TPSD1: variants seen among roughly 807,000 people sequenced by gnomAD.
TPSD1 encodes the protein tryptase delta.
TPSD1 carries 30 observed loss-of-function variants against 25.4 expected under a neutral mutation model. The observed-to-expected ratio is 1.18, with a 90% CI of 0.88 to 1.60. The LOEUF (loss-of-function observed/expected upper bound fraction) is 1.60, where lower values mean the gene tolerates loss of function less well. TPSD1 is among the 40% of genes most tolerant of loss of function. The probability of loss-of-function intolerance (pLI) is 0.00; values close to 1 mark genes in which losing one functional copy is unlikely to be tolerated. For synonymous variants in TPSD1, 176 were observed against 149.4 expected, an observed-to-expected ratio of 1.18 and a Z score of -1.30; for missense variants, 420 against 324.2, an observed-to-expected ratio of 1.30 and a Z score of -2.27.
Position 1,258,547 on chromosome 16 carries a change from C to T in TPSD1, c.*171C>T. On this transcript the variant is annotated 3_prime_UTR_variant, in exon 5 of 5. Transcript: ENST00000211076. ...TCACTGGAGGGCCAGCCCCTCCTGT[C>T]CAAACCACCACTGCTTCCTACCCAG... 1.0e-5 allele frequency: 16 copies of T among 1,584,662 alleles called. No individual in the cohort carries two copies. Among genetic ancestry groups the T allele is most frequent in the Non-Finnish European group, 1.4e-5 (16 of 1,163,280 alleles).
chr16:1,258,184 A>G lies in TPSD1; in HGVS notation c.646A>G (p.Met216Val), dbSNP rs2031017593. 1.2e-6 allele frequency: 2 copies of G among 1,613,130 alleles called. No individual in the cohort carries two copies. The highest frequency in any genetic ancestry group is 1.7e-6 in the Non-Finnish European group (2 of 1,179,892). The change falls in exon 4 of 5, where the codon ATG becomes GTG. Residue 216 changes from methionine to valine, a missense_variant. Transcript: ENST00000211076. ...CAGCTTTCAAATCGTCCGCGATGAC[A>G]TGCTGTGTGCGGGGAGCGAAAATCA... ...GHSFQIVRDD[M>V]LCAGSENHDS...
rs762576323 is a variant in TPSD1, at chr16:1,256,692, G to C, written c.254+5G>C. On this transcript the variant is annotated splice_donor_5th_base_variant and intron_variant, in intron 2 of 4. Coordinates refer to ENST00000211076, the MANE Select transcript of TPSD1 (RefSeq NM_012217.3). ...CGCGGCGCACTGCGTGGAACCGTGA[G>C]TCTCCTGGGGCCTGGAGGGGTGGGC... 2 of 1,611,242 alleles carry C rather than the reference G, an allele frequency of 1.2e-6. No individual in the cohort carries two copies. Among genetic ancestry groups the C allele is most frequent in the South Asian group, 2.2e-5 (2 of 90,936 alleles).
intron 3 of TPSD1, chr16:1,257,795 AC>A (rs777876890): frequency 5.4e-6 from 3 of 560,560 alleles, no homozygotes; most frequent in African/African-American, 1.9e-5. Context: ...CGGGCTCTGC[AC>A]CCCCGTGCCA....
In TPSD1 at chr16:1,256,346, G is replaced by T. The variant is rs2005937; in HGVS notation, c.66G>T (p.Pro22=). The T allele has an allele frequency of 4.5e-6, 7 of 1,545,306 alleles. No individual in the cohort carries two copies. Among genetic ancestry groups the T allele is most frequent in the East Asian group, 4.5e-5 (2 of 44,754 alleles). ...LLLALPVLAS[P]AYVAPAPGQA... Reference sequence around the variant, plus strand: ...TGGCGCTGCCCGTCCTGGCGAGCCCGGCCTACGTGGCCCCTGGTGAGTCCC... The same window carrying T: ...TGGCGCTGCCCGTCCTGGCGAGCCCTGCCTACGTGGCCCCTGGTGAGTCCC... The change falls in exon 1 of 5, where the codon CCG becomes CCT. Residue 22 remains proline (P), a synonymous_variant. Coordinates refer to ENST00000211076, the MANE Select transcript of TPSD1 (RefSeq NM_012217.3).
chr16:1,256,696 C>T lies in TPSD1; in HGVS notation c.254+9C>T, dbSNP rs1225987045. 1 of 1,611,408 alleles carries T rather than the reference C, an allele frequency of 6.2e-7. No homozygotes were observed. The highest frequency in any genetic ancestry group is 1.7e-5 in the Admixed American group (1 of 59,894). On this transcript the variant is annotated intron_variant, in intron 2 of 4. Transcript: ENST00000211076. The stretch of plus-strand genomic sequence containing the variant: ...GCGCACTGCGTGGAACCGTGAGTCT[C>T]CTGGGGCCTGGAGGGGTGGGCAAGG...
At chr16:1,257,363 A>T in intron 3 of TPSD1, 1 of 487,876 alleles carries the variant, frequency 2.0e-6, no homozygotes, top group Non-Finnish European at 3.7e-6. Context: ...TGCTATGTGG[A>T]GAGAGAAATC....
intron 3 of TPSD1, chr16:1,257,458 G>A (rs986217917): frequency 7.7e-5 from 22 of 287,148 alleles, no homozygotes; most frequent in East Asian, 3.4e-4. Flanking sequence ...GACAAGGCAG[G>A]GGCCTGGGAA....
At chr16:1,256,739 G>T (rs1435561851) in intron 2 of TPSD1, 52 bp downstream of exon 2, 2 of 1,611,600 alleles carry the variant, frequency 1.2e-6, no homozygotes, top group African/African-American at 2.7e-5. Flanking sequence ...GTGAGCCCTG[G>T]CTCCCGGGTG....
At chr16:1,257,124 G>A in intron 3 of TPSD1, 62 bp downstream of exon 3, 4 of 1,517,872 alleles carry the variant, frequency 2.6e-6, no homozygotes, top group Non-Finnish European at 3.5e-6. Flanking sequence ...CCACAGGCCA[G>A]TCCGTGGGGT....
Position 1,257,343 on chromosome 16 carries a change from G to A in TPSD1, c.520+281G>A, listed in dbSNP as rs1337805876. The A allele has an allele frequency of 2.0e-4, 105 of 536,354 alleles. 1 individual carries two copies. The East Asian group carries it at 2.8e-3, about 14-fold the overall frequency. 33.2% of individuals were successfully genotyped at this position (536,354 alleles called of 1,614,324 possible). On this transcript the variant is annotated intron_variant, in intron 3 of 4. Coordinates refer to ENST00000211076, the MANE Select transcript of TPSD1 (RefSeq NM_012217.3). ...GAAAGGGTGCATCAAAAGTTTGTAC[G>A]TCACGGACTTGCTATGTGGAGAGAG...
rs575276430 is a variant in TPSD1, at chr16:1,257,198, G to A, written c.520+136G>A. The A allele has an allele frequency of 2.1e-4, 259 of 1,245,766 alleles. 5 individuals are homozygous for A. The South Asian group carries it at 3.1e-3, about 15-fold the overall frequency. The allele number at this position is 1,245,766 out of a possible 1,614,324, so 77.2% of individuals were successfully genotyped here. ...GGAGGCCAGGATGGATGGAGCAGGC[G>A]GTGGCGAGAGGCAGCAGGTGCCCTG... is the stretch of plus-strand genomic sequence containing the variant. On this transcript the variant is annotated intron_variant, in intron 3 of 4. Coordinates refer to ENST00000211076, the MANE Select transcript of TPSD1 (RefSeq NM_012217.3).
In TPSD1 at chr16:1,256,220, A is replaced by G. The variant is rs1336650678; in HGVS notation, c.-61A>G. On this transcript the variant is annotated 5_prime_UTR_variant, in exon 1 of 5. Transcript: ENST00000211076. Reference sequence around the variant, plus strand: ...ACCCCGGTCCCCCCGTCCCAGCTCCATTCTTCACCCCACAATCTGTAGCCC... The same window carrying G: ...ACCCCGGTCCCCCCGTCCCAGCTCCGTTCTTCACCCCACAATCTGTAGCCC... The G allele has an allele frequency of 1.9e-6, 3 of 1,597,956 alleles. No homozygotes were observed. The highest frequency in any genetic ancestry group is 2.2e-5 in the East Asian group (1 of 44,738).
At chr16:1,257,929 C>A (rs990019990) in intron 3 of TPSD1, 130 bp from the exon 4 acceptor site, 6 of 1,023,044 alleles carry the variant, frequency 5.9e-6, no homozygotes, top group South Asian at 1.6e-5. Flanking sequence ...CGCCCCTTCC[C>A]CGGGGCTGCA....
rs1480642278 is a variant in TPSD1 at position 1,258,680 on chromosome 16, T to G, written c.*304T>G. ...CCTTTCTTGATCCCCTCCCCCATCC[T>G]GAGCCCCTCCCCCACCCTGAGCCCC... On this transcript the variant is annotated 3_prime_UTR_variant, in exon 5 of 5. Transcript: ENST00000211076. 3.4e-6 allele frequency: 1 copy of G among 290,476 alleles called. No individual in the cohort carries two copies. The highest frequency in any genetic ancestry group is 5.8e-6 in the Non-Finnish European group (1 of 171,616). 18.0% of individuals were successfully genotyped at this position (290,476 alleles called of 1,614,324 possible). A position where few individuals can be genotyped will look rare whatever the true frequency, so the allele number is the denominator to read the frequency against.
Position 1,258,685 on chromosome 16 carries a change from C to CA in TPSD1, c.*309_*310insA. 4.2e-6 allele frequency: 2 copies of CA among 481,208 alleles called. 1 individual carries two copies. The highest frequency in any genetic ancestry group is 7.3e-5 in the Admixed American group (2 of 27,466). The allele number at this position is 481,208 out of a possible 1,614,324, so 29.8% of individuals were successfully genotyped here. On this transcript the variant is annotated 3_prime_UTR_variant, in exon 5 of 5. Transcript: ENST00000211076. The stretch of plus-strand genomic sequence containing the variant: ...CTTGATCCCCTCCCCCATCCTGAGC[C>CA]CCTCCCCCACCCTGAGCCCCTTCCC...
chr16:1,258,471 A>G lies in TPSD1; in HGVS notation c.*95A>G, dbSNP rs2031027574. On this transcript the variant is annotated 3_prime_UTR_variant, in exon 5 of 5. Transcript: ENST00000211076. ...GTCACCTACTACTTGGACTGGATCC[A>G]CCACTATGTCCCCAAGAAGCCCTGA... 21 of 1,613,294 alleles carry G rather than the reference A, an allele frequency of 1.3e-5. No homozygotes were observed. The Admixed American group carries it at 3.5e-4, about 27-fold the overall frequency.
chr16:1,257,896 G>A (rs2031009018), intron 3 of TPSD1, 163 bp from the exon 4 acceptor site: 5 of 739,932 alleles, frequency 6.8e-6, no homozygotes, highest in East Asian at 2.7e-5. Context: ...CAGCCTCAGC[G>A]GAGGGGCCTG....
chr16:1,257,386 T>G, intron 3 of TPSD1: 1 of 435,184 alleles, frequency 2.3e-6, no homozygotes, highest in Non-Finnish European at 4.2e-6. Flanking sequence ...ACGGGGGTCT[T>G]GCTGGAAGGA....
At chr16:1,257,162 AG>A (rs2030993870) in intron 3 of TPSD1, 100 bp downstream of exon 3, 38 of 1,456,378 alleles carry the variant, frequency 2.6e-5, no homozygotes, top group Non-Finnish European at 3.5e-5. Context: ...CGGCTCAGGG[AG>A]GGGGACTGTG....
Sources: allele counts gnomAD v4.1 joint callset, GRCh38; gene constraint gnomAD v4.1.1; transcripts MANE v1.5; gene names NCBI Gene and HGNC (gene_info 2026-07-23, HGNC 2026-07-21).